The following MRTFB variants were observed in gnomAD, a reference collection of about 807,000 sequenced individuals.
MRTFB encodes the protein myocardin related transcription factor B.
MRTFB carries 29 observed loss-of-function variants against 104.2 expected under a neutral mutation model. The observed-to-expected ratio is 0.28, with a 90% CI of 0.21 to 0.38. The LOEUF (loss-of-function observed/expected upper bound fraction) is 0.38, where lower values mean the gene tolerates loss of function less well. Among genes scored for constraint, MRTFB ranks in the 10% least tolerant of loss-of-function variants. MRTFB has a pLI of 1.00. For missense variants in MRTFB, 1,270 were observed against 1,341.6 expected (o/e 0.95, Z 0.83); for synonymous variants, 535 against 519.5 (o/e 1.03, Z -0.41).
chr16:14,177,522 G>A lies in MRTFB; in HGVS notation c.155-32721G>A, dbSNP rs547715661. Among the ~76,000 whole-genome samples the A allele has an allele frequency of 2.6e-5, 4 of 152,200 alleles. No homozygotes were observed. The South Asian group carries it at 6.2e-4, about 24-fold the overall frequency. ...CTTAGATGATTTAGTCTTAAGTATA[G>A]CATATAATCTTAAAATCAAGGATAT... On this transcript the variant is annotated intron_variant, in intron 3 of 16. Transcript: ENST00000571589. This position sits in a 1 kb window ranked among gnomAD's most constrained non-coding sequence, Gnocchi z 4.7.
At chr16:14,224,269 A>G (rs560987709) in intron 8 of MRTFB, among the ~76,000 whole-genome samples, 21 of 151,340 alleles carry the variant, frequency 1.4e-4, no homozygotes, top group Non-Finnish European at 2.8e-4. Flanking sequence ...TTCAAATTAT[A>G]TCAGCATTGT....
chr16:14,014,725 G>A, the MRTFB span, among the ~76,000 whole-genome samples: 46 of 152,146 alleles, frequency 3.0e-4, no homozygotes, highest in African/African-American at 1.1e-3. Flanking sequence ...AAAATTAGCC[G>A]GGCATGGTGG....
chr16:14,252,177 C>G (rs1364752171), intron 14 of MRTFB, among the ~76,000 whole-genome samples, 154 bp downstream of exon 14: 2 of 152,134 alleles, frequency 1.3e-5, no homozygotes, highest in Non-Finnish European at 2.9e-5. Flanking sequence ...CAGCTATTAT[C>G]ACAGTGAAGA....
At chr16:14,167,900 G>T (rs981947455) in intron 3 of MRTFB, among the ~76,000 whole-genome samples, 1 of 152,132 alleles carries the variant, frequency 6.6e-6, no homozygotes, top group Non-Finnish European at 1.5e-5. Context: ...TGTTAACCAG[G>T]ATGGTCTCGA....
chr16:14,047,180 A>G, the MRTFB span, among the ~76,000 whole-genome samples: 1 of 152,236 alleles, frequency 6.6e-6, no homozygotes, highest in African/African-American at 2.4e-5. Context: ...GGCTGCAAGT[A>G]TCAGGCAACC....
intron 3 of MRTFB, among the ~76,000 whole-genome samples, chr16:14,156,149 A>G (rs2038819526): frequency 6.6e-6 from 1 of 152,188 alleles, no homozygotes; most frequent in Admixed American, 6.5e-5. Context: ...CTGTTTGCCA[A>G]TGTGTGAAAG....
At chr16:14,046,740 A>G in the MRTFB span, among the ~76,000 whole-genome samples, 1 of 152,192 alleles carries the variant, frequency 6.6e-6, no homozygotes, top group Admixed American at 6.5e-5. Flanking sequence ...TACAGCTTTG[A>G]TTTGAGGAGA....
In MRTFB at chr16:14,140,625, A is replaced by G; in HGVS notation, c.19A>G (p.Ile7Val). The change falls in exon 3 of 17, where the codon ATA becomes GTA. Residue 7 changes from isoleucine to valine, a missense_variant. Ile to Val is a conservative substitution (Grantham distance 29). Around this residue, in one of 3 missense-constraint regions of MRTFB, gnomAD observed 62 missense variants for 57.2 expected, o/e 1.08. Coordinates refer to ENST00000571589, the MANE Select transcript of MRTFB (RefSeq NM_001308142.2). MDHTGAIDTEDEVGPLA... is the reference protein window; with the variant it reads MDHTGAVDTEDEVGPLA... Reference sequence around the variant, plus strand: ...GAACACAATGGATCACACAGGGGCGATAGACACCGAGGATGAAGTGGGACC... The same window carrying G: ...GAACACAATGGATCACACAGGGGCGGTAGACACCGAGGATGAAGTGGGACC... The G allele has an allele frequency of 6.2e-7, 1 of 1,614,170 alleles. No homozygotes were observed. The highest frequency in any genetic ancestry group is 8.5e-7 in the Non-Finnish European group (1 of 1,180,034).
intron 13 of MRTFB, among the ~76,000 whole-genome samples, chr16:14,251,065 T>G (rs549348931): frequency 3.9e-5 from 6 of 152,234 alleles, no homozygotes; most frequent in African/African-American, 1.4e-4. Context: ...GATTATTAGC[T>G]TAGTCATGGC....
intron 16 of MRTFB, among the ~76,000 whole-genome samples, chr16:14,259,191 T>C (rs1210378907): frequency 1.3e-5 from 2 of 152,184 alleles, no homozygotes; most frequent in African/African-American, 4.8e-5. Context: ...TCCCAGCACT[T>C]TGGGAGCCCG....
Position 14,261,977 on chromosome 16 carries a change from G to C in MRTFB, c.*533G>C, listed in dbSNP as rs2043796526. 1 of 152,326 alleles carries C rather than the reference G, an allele frequency of 6.6e-6. No homozygotes were observed. Among genetic ancestry groups the C allele is most frequent in the African/African-American group, 2.4e-5 (1 of 41,478 alleles). The allele number at this position is 152,326 out of a possible 1,614,324, so 9.4% of individuals were successfully genotyped here. On this transcript the variant is annotated 3_prime_UTR_variant, in exon 17 of 17. Transcript: ENST00000571589. ...GAGAGCCTTGGCCAGTTCAGTGACA[G>C]CTTCTGGCTGAAGACTTTTGGTTCT...
intron 3 of MRTFB, among the ~76,000 whole-genome samples, chr16:14,174,573 C>T (rs975313739): frequency 3.3e-5 from 5 of 151,976 alleles, no homozygotes; most frequent in African/African-American, 9.7e-5. Flanking sequence ...ATCCCAGCTA[C>T]TCGGGAGGCT....
chr16:14,251,793 C>T (rs1240457138), intron 13 of MRTFB, 69 bp from the exon 14 acceptor site: 8 of 1,559,828 alleles, frequency 5.1e-6, no homozygotes, highest in Non-Finnish European at 6.1e-6. Flanking sequence ...TGTCCTAAAA[C>T]ATGGTTTTCT....
chr16:14,039,886 TTACAGGCA>T, the MRTFB span, among the ~76,000 whole-genome samples: 2 of 151,934 alleles, frequency 1.3e-5, no homozygotes, highest in Non-Finnish European at 2.9e-5. Context: ...GTAGCTGGGA[TTACAGGCA>T]TGCACCACCA....
rs117545431 is a variant in MRTFB, at chr16:14,222,233, C to T, written c.693+3235C>T. ...AAATCTCTGCCTTAGATTTCACTTT[C>T]CTTCTTGTTTGCCTGAGCCAAATTT... On this transcript the variant is annotated intron_variant, in intron 8 of 16. Transcript: ENST00000571589. Among the ~76,000 whole-genome samples the T allele has an allele frequency of 6.3e-3, 957 of 152,224 alleles. 8 individuals carry two copies. Among genetic ancestry groups the T allele is most frequent in the South Asian group, 0.013 (65 of 4,816 alleles).
At chr16:14,201,043 T>A (rs1441941251) in intron 3 of MRTFB, 1 of 1,517,248 alleles carries the variant, frequency 6.6e-7, no homozygotes, top group Non-Finnish European at 9.0e-7. Flanking sequence ...TTTGAACCTT[T>A]TAGAGCTTAG....
At chr16:14,039,116 A>T in the MRTFB span, among the ~76,000 whole-genome samples, 1 of 152,222 alleles carries the variant, frequency 6.6e-6, no homozygotes, top group East Asian at 1.9e-4. Context: ...CAGCCAAACC[A>T]TATCAATGGT....
the MRTFB span, among the ~76,000 whole-genome samples, chr16:14,003,623 G>GCCTGCCTGCCTGCCTGCCTGCCT: frequency 4.7e-5 from 4 of 85,392 alleles, no homozygotes; most frequent in Non-Finnish European, 1.0e-4. Flanking sequence ...GGGGCCGGCC[G>GCCTGCCTGCCTGCCTGCCTGCCT]GCCTGCCTGC....
intron 8 of MRTFB, among the ~76,000 whole-genome samples, chr16:14,229,140 C>T (rs1323660564): frequency 2.0e-5 from 3 of 152,170 alleles, no homozygotes; most frequent in Non-Finnish European, 2.9e-5. Context: ...CACTACCAAT[C>T]AGGTCATCAA....
Sources: gnomAD v4.1 joint callset for allele counts (sites outside exome capture counted in the v4.1 genomes callset) on GRCh38, gnomAD v4.1.1 for gene constraint, gnomAD v4.1.1 regional missense constraint, Gnocchi (gnomAD v3.1) non-coding constraint, MANE v1.5 for transcripts, NCBI Gene and HGNC (gene_info 2026-07-23, HGNC 2026-07-21) for gene names.